Variants in IL1RAPL2 observed in about 807,000 individuals in gnomAD.
IL1RAPL2 encodes X-linked interleukin-1 receptor accessory protein-like 2.
In IL1RAPL2, 3 loss-of-function variants were observed where a neutral mutation model predicts 44.1. That is an observed-to-expected ratio of 0.07 (90% CI 0.03 to 0.18). The LOEUF (loss-of-function observed/expected upper bound fraction) is 0.18, where lower values mean the gene tolerates loss of function less well. IL1RAPL2 is among the 10% of genes least tolerant of loss of function. IL1RAPL2 has a pLI of 1.00. For synonymous variants in IL1RAPL2, 181 were observed against 178.8 expected (o/e 1.01, Z -0.10); for missense variants, 391 against 496.4 (o/e 0.79, Z 2.02).
chrX:105,694,671 C>T (rs192800793), intron 6 of IL1RAPL2, among the ~76,000 whole-genome samples: 6 of 110,985 alleles, frequency 5.4e-5, no homozygotes, highest in Admixed American at 2.9e-4. Flanking sequence ...GGACATATGC[C>T]GCCACTTACT....
intron 2 of IL1RAPL2, among the ~76,000 whole-genome samples, chrX:104,890,015 G>T (rs1407820884): frequency 9.0e-6 from 1 of 110,730 alleles, no homozygotes; most frequent in Non-Finnish European, 1.9e-5. Flanking sequence ...TGTTCTCAAT[G>T]TTCAATTCCC....
chrX:105,260,580 T>C (rs2034350645), intron 4 of IL1RAPL2, among the ~76,000 whole-genome samples: 1 of 109,961 alleles, frequency 9.1e-6, no homozygotes, highest in South Asian at 4.0e-4. Flanking sequence ...CTGGGAAAGT[T>C]ACAAATCTCT....
intron 1 of IL1RAPL2, among the ~76,000 whole-genome samples, chrX:104,596,373 T>C (rs754993889): frequency 9.0e-6 from 1 of 111,170 alleles, no homozygotes; most frequent in Admixed American, 9.6e-5. Flanking sequence ...TGAATGAAAA[T>C]AATGGTATAA....
chrX:105,115,209 C>T (rs2032841547), intron 2 of IL1RAPL2, among the ~76,000 whole-genome samples: 1 of 111,499 alleles, frequency 9.0e-6, no homozygotes, highest in Non-Finnish European at 1.9e-5. Flanking sequence ...AGTGAAGCTG[C>T]AGACCTTCGT....
chrX:104,984,870 C>T (rs895073662), intron 2 of IL1RAPL2, among the ~76,000 whole-genome samples: 1 of 110,646 alleles, frequency 9.0e-6, no homozygotes. Context: ...AAACTGACTG[C>T]AAAAAATAAG....
chrX:104,947,985 T>C (rs1379755503), intron 2 of IL1RAPL2, among the ~76,000 whole-genome samples: 3 of 111,551 alleles, frequency 2.7e-5, no homozygotes, highest in Non-Finnish European at 5.7e-5. Flanking sequence ...GGGATGGCAT[T>C]GAATCTATAA....
At chrX:105,301,508 C>T (rs2034697474) in intron 5 of IL1RAPL2, among the ~76,000 whole-genome samples, 1 of 110,254 alleles carries the variant, frequency 9.1e-6, no homozygotes, top group African/African-American at 3.3e-5. Context: ...TCCCCATCTT[C>T]CCCCCGCCCT....
At chrX:105,299,053 T>C (rs781680833) in intron 5 of IL1RAPL2, among the ~76,000 whole-genome samples, 2 of 111,626 alleles carry the variant, frequency 1.8e-5, no homozygotes, top group Non-Finnish European at 3.8e-5. Flanking sequence ...TTTTCTGTGA[T>C]GGAGAAATCG....
At chrX:105,568,895 C>T (rs1161599292) in intron 6 of IL1RAPL2, among the ~76,000 whole-genome samples, 2 of 111,879 alleles carry the variant, frequency 1.8e-5, no homozygotes, top group Admixed American at 9.5e-5. Context: ...ATTGACATAG[C>T]ATCTAGAGCT....
intron 2 of IL1RAPL2, among the ~76,000 whole-genome samples, chrX:105,114,590 C>T (rs1157074616): frequency 9.0e-6 from 1 of 111,687 alleles, no homozygotes; most frequent in African/African-American, 3.3e-5. Flanking sequence ...TCCAAACTTA[C>T]CCAGCCAGGC....
chrX:104,830,260 T>A (rs1921569931), intron 2 of IL1RAPL2, among the ~76,000 whole-genome samples: 1 of 111,051 alleles, frequency 9.0e-6, no homozygotes. Flanking sequence ...GGCTACTGAA[T>A]CTTAGACCTG....
At chrX:104,990,397 G>C (rs1251905643) in intron 2 of IL1RAPL2, among the ~76,000 whole-genome samples, 1 of 100,585 alleles carries the variant, frequency 9.9e-6, no homozygotes, top group African/African-American at 3.6e-5. Flanking sequence ...CTCTCCCCTT[G>C]GGATGGGGTT....
chrX:104,673,691 T>C (rs1007103693), intron 2 of IL1RAPL2, among the ~76,000 whole-genome samples: 3 of 110,541 alleles, frequency 2.7e-5, no homozygotes, highest in African/African-American at 9.9e-5. Context: ...CCTTGGGCAG[T>C]ATGGCCATTT....
intron 6 of IL1RAPL2, among the ~76,000 whole-genome samples, chrX:105,529,298 AT>A (rs1367227071): frequency 1.8e-5 from 2 of 111,133 alleles, no homozygotes; most frequent in East Asian, 2.8e-4. Context: ...CTATAAAAGC[AT>A]TTTTTTATCC....
chrX:104,676,686 G>A (rs1272245270), intron 2 of IL1RAPL2, among the ~76,000 whole-genome samples: 6 of 111,917 alleles, frequency 5.4e-5, no homozygotes, highest in African/African-American at 1.9e-4. Context: ...ATAATATCCT[G>A]CAGAGTGTTT....
At chrX:104,608,267 T>C (rs918713457) in intron 1 of IL1RAPL2, among the ~76,000 whole-genome samples, 1 of 110,644 alleles carries the variant, frequency 9.0e-6, no homozygotes, top group Non-Finnish European at 1.9e-5. Context: ...TTAGCAGAAA[T>C]ACCTAATGTA....
intron 2 of IL1RAPL2, among the ~76,000 whole-genome samples, chrX:105,008,174 G>T (rs766248874): frequency 1.1e-4 from 12 of 110,374 alleles, no homozygotes; most frequent in African/African-American, 3.6e-4. Flanking sequence ...AAGGTGGAAG[G>T]GTGAGAGGGT....
At position 104,672,546 on chromosome X, in the gene IL1RAPL2, G is replaced by A. The variant is rs200082524; in HGVS notation, c.82+13551G>A. Among the ~76,000 whole-genome samples, 594 of 102,723 alleles carry A rather than the reference G, an allele frequency of 5.8e-3. 3 individuals are homozygous for A. Among genetic ancestry groups the A allele is most frequent in the African/African-American group, 0.02 (555 of 27,969 alleles). 89.2% of individuals were successfully genotyped at this position (102,723 alleles called of 115,157 possible). ...AGTCTTTGCTATTGTGAATAATGCCGCAATAAACATACGTGTGCATGTGTC... is the reference window on the plus strand; with the variant it reads ...AGTCTTTGCTATTGTGAATAATGCCACAATAAACATACGTGTGCATGTGTC... On this transcript the variant is annotated intron_variant, in intron 2 of 10. Transcript: ENST00000372582.
At chrX:105,530,481 A>G (rs937686979) in intron 6 of IL1RAPL2, among the ~76,000 whole-genome samples, 1 of 110,656 alleles carries the variant, frequency 9.0e-6, no homozygotes, top group Non-Finnish European at 1.9e-5. Flanking sequence ...AGGTGTATAC[A>G]TCTATGGGGT....
Sources: allele counts gnomAD v4.1 joint callset (sites outside exome capture counted in the v4.1 genomes callset), GRCh38; gene constraint gnomAD v4.1.1; transcripts MANE v1.5; gene names NCBI Gene and HGNC (gene_info 2026-07-23, HGNC 2026-07-21).